MKRN1: variants seen among roughly 807,000 people sequenced by gnomAD.
The protein encoded by MKRN1 is makorin ring finger protein 1.
Under a neutral mutation model 55.5 loss-of-function variants are expected in MKRN1, and 9 were observed. The ratio of observed to expected loss-of-function variants is 0.16; its 90% CI spans 0.10 to 0.28. The LOEUF (loss-of-function observed/expected upper bound fraction) is 0.28, where lower values mean the gene tolerates loss of function less well. MKRN1 is among the 10% of genes least tolerant of loss of function. MKRN1 has a pLI of 1.00. For synonymous variants in MKRN1, 253 were observed against 235.9 expected (o/e 1.07, Z -0.66); for missense variants, 488 against 626.7 (o/e 0.78, Z 2.36).
intron 2 of MKRN1, among the ~76,000 whole-genome samples, chr7:140,466,404 C>T (rs1483370938): frequency 1.3e-5 from 2 of 152,172 alleles, no homozygotes; most frequent in African/African-American, 2.4e-5. Flanking sequence ...TAGGCTCACA[C>T]CTATGATCCC....
chr7:140,474,134 G>C (rs968794537), intron 1 of MKRN1, among the ~76,000 whole-genome samples: 1 of 152,042 alleles, frequency 6.6e-6, no homozygotes, highest in African/African-American at 2.4e-5. Context: ...GGCAGAGGCA[G>C]GTGGATCACC....
chr7:140,477,694 G>T (rs1321145321), intron 1 of MKRN1, among the ~76,000 whole-genome samples: 1 of 152,030 alleles, frequency 6.6e-6, no homozygotes, highest in Non-Finnish European at 1.5e-5. Flanking sequence ...CTTACCTCAG[G>T]CGATCCGCCC....
chr7:140,457,414 T>C (rs1794499925), intron 4 of MKRN1, among the ~76,000 whole-genome samples: 1 of 152,144 alleles, frequency 6.6e-6, no homozygotes, highest in Non-Finnish European at 1.5e-5. Context: ...AATTTTTGTG[T>C]GGACATCATA....
At chr7:140,477,098 C>CA (rs35476052) in intron 1 of MKRN1, among the ~76,000 whole-genome samples, 22,166 of 83,272 alleles carry the variant, frequency 0.27, 2,487 homozygotes, top group African/African-American at 0.33. Context: ...AACTCTGTCT[C>CA]AAAAAAAAAA....
chr7:140,471,963 C>A lies in MKRN1; in HGVS notation c.234G>T (p.Ser78=), dbSNP rs771413369. 8 of 1,613,980 alleles carry A rather than the reference C, an allele frequency of 5.0e-6. No individual in the cohort carries two copies. Among genetic ancestry groups the A allele is most frequent in the Admixed American group, 1.7e-5 (1 of 59,994 alleles). ...TATACGGACTGTCAGAGAGGTCATG[C>A]GAGTAGCGACAGTTGTCTCCTTCCT... The part of the protein sequence containing the change: ...VCKEGDNCRY[S]HDLSDSPYSV... The change falls in exon 2 of 8, where the codon TCG becomes TCT. Residue 78 remains serine, a synonymous_variant. Transcript: ENST00000255977.
At chr7:140,460,087 A>C in intron 2 of MKRN1, 151 bp from the exon 3 acceptor site, 2 of 672,860 alleles carry the variant, frequency 3.0e-6, no homozygotes, top group South Asian at 1.8e-5. Flanking sequence ...CGTCACTACC[A>C]AAAACGCAAA....
At chr7:140,458,410 G>C (rs780628593) in intron 4 of MKRN1, among the ~76,000 whole-genome samples, 1 of 152,092 alleles carries the variant, frequency 6.6e-6, no homozygotes, top group Non-Finnish European at 1.5e-5. Flanking sequence ...AATCACAAAG[G>C]ACCACATTAC....
intron 4 of MKRN1, among the ~76,000 whole-genome samples, chr7:140,458,544 A>G (rs1222512473): frequency 6.6e-6 from 1 of 152,202 alleles, no homozygotes; most frequent in Non-Finnish European, 1.5e-5. Context: ...GGATGATCAA[A>G]TTATCCTAAA....
At chr7:140,472,105 A>C (rs1007336123) in intron 1 of MKRN1, 94 bp from the exon 2 acceptor site, 11 of 1,492,672 alleles carry the variant, frequency 7.4e-6, no homozygotes, top group Non-Finnish European at 9.1e-6. Context: ...CAACCAGTAA[A>C]TACACAAACA....
chr7:140,453,517 C>T lies in MKRN1; in HGVS notation c.*1000G>A, dbSNP rs1372567914. 6.6e-6 allele frequency: 1 copy of T among 152,612 alleles called. No individual in the cohort carries two copies. Among genetic ancestry groups the T allele is most frequent in the Non-Finnish European group, 1.5e-5 (1 of 68,038 alleles). 9.5% of individuals were successfully genotyped at this position (152,612 alleles called of 1,614,324 possible). On this transcript the variant is annotated 3_prime_UTR_variant, in exon 8 of 8. Transcript: ENST00000255977. ...AAAGGTTTCTCAGAAAGTGCCTGTA[C>T]TGGAAAGGCTAGATCGTAAAACATT... is the stretch of plus-strand genomic sequence containing the variant.
chr7:140,461,665 C>CA (rs906493529), intron 2 of MKRN1, among the ~76,000 whole-genome samples: 2 of 151,362 alleles, frequency 1.3e-5, no homozygotes, highest in Non-Finnish European at 2.9e-5. Flanking sequence ...CAAAGCATAG[C>CA]AAGCATCTTT....
rs1206158270 is a variant in MKRN1 at position 140,474,004 on chromosome 7, AAAAAGAAAGAAAGAAAG to A, written c.186-2010_186-1994del. Among the ~76,000 whole-genome samples, 113 of 93,680 alleles carry A rather than the reference AAAAAGAAAGAAAGAAAG, an allele frequency of 1.2e-3. 2 individuals carry two copies. Among genetic ancestry groups the A allele is most frequent in the African/African-American group, 5.5e-3 (86 of 15,548 alleles). 61.5% of individuals were successfully genotyped at this position (93,680 alleles called of 152,430 possible). A position where few individuals can be genotyped will look rare whatever the true frequency, so the allele number is the denominator to read the frequency against. On this transcript the variant is annotated intron_variant, in intron 1 of 7. Coordinates refer to ENST00000255977, the MANE Select transcript of MKRN1 (RefSeq NM_013446.4). ...CGAAACTCCGTCTCAAAAAAAAAAA[AAAAAGAAAGAAAGAAAG>A]AAAGAAAGAAAGAAAGAAAGAAAGA...
intron 2 of MKRN1, among the ~76,000 whole-genome samples, chr7:140,468,531 A>T (rs1392856160): frequency 6.6e-6 from 1 of 151,256 alleles, no homozygotes; most frequent in African/African-American, 2.4e-5. Flanking sequence ...TGAAACCCTA[A>T]CTCTACTAAA....
chr7:140,456,490 G>C, intron 5 of MKRN1, 162 bp downstream of exon 5: 1 of 1,439,448 alleles, frequency 6.9e-7, no homozygotes, highest in Non-Finnish European at 9.1e-7. Context: ...AACTAACCTA[G>C]AAGCTAGCTG....
At chr7:140,466,501 CAAACAGAAT>C (rs1201677385) in intron 2 of MKRN1, among the ~76,000 whole-genome samples, 1 of 152,130 alleles carries the variant, frequency 6.6e-6, no homozygotes, top group African/African-American at 2.4e-5. Flanking sequence ...CCCGTCTCTA[CAAACAGAAT>C]AAAAAAACTT....
intron 2 of MKRN1, among the ~76,000 whole-genome samples, chr7:140,466,697 G>A (rs1453939753): frequency 1.3e-5 from 2 of 151,766 alleles, no homozygotes; most frequent in African/African-American, 2.4e-5. Context: ...CCAGCTACTC[G>A]GGAGGCTGAG....
chr7:140,456,355 C>A (rs569542124), intron 5 of MKRN1: 3 of 1,268,836 alleles, frequency 2.4e-6, no homozygotes, highest in East Asian at 4.0e-5. Flanking sequence ...ACATTCAGAG[C>A]TAGATCAGTT....
chr7:140,456,522 A>G, intron 5 of MKRN1, 130 bp downstream of exon 5: 2 of 1,464,620 alleles, frequency 1.4e-6, no homozygotes, highest in Non-Finnish European at 1.8e-6. Flanking sequence ...AGAAATCCCC[A>G]TTAGAATATC....
intron 2 of MKRN1, among the ~76,000 whole-genome samples, chr7:140,466,210 C>T (rs1794760855): frequency 6.6e-6 from 1 of 152,272 alleles, no homozygotes; most frequent in East Asian, 1.9e-4. Context: ...TAATAATCAC[C>T]TATATCAGCC....
Sources: gnomAD v4.1 joint callset for allele counts (sites outside exome capture counted in the v4.1 genomes callset) on GRCh38, gnomAD v4.1.1 for gene constraint, MANE v1.5 for transcripts, NCBI Gene and HGNC (gene_info 2026-07-23, HGNC 2026-07-21) for gene names.